The following MAEA variants were observed in gnomAD, a reference collection of about 807,000 sequenced individuals.
MAEA encodes E3 ubiquitin-protein transferase MAEA.
In MAEA, 22 loss-of-function variants were observed where a neutral mutation model predicts 46.2. That is an observed-to-expected ratio of 0.48 (90% CI 0.34 to 0.68). MAEA has a LOEUF of 0.68. Ranked by LOEUF, MAEA falls within the 30% of genes least tolerant of loss-of-function variation. MAEA has a pLI of 0.01. For missense variants in MAEA, 393 were observed against 558.1 expected (o/e 0.70, Z 2.98); for synonymous variants, 246 against 222.6 (o/e 1.11, Z -0.94).
chr4:1,332,903 G>A (rs1712034979), intron 6 of MAEA, 38 bp downstream of exon 6: 1 of 1,517,060 alleles, frequency 6.6e-7, no homozygotes, highest in Non-Finnish European at 9.0e-7. Context: ...TCATGCTGGG[G>A]TGGGGATCCA....
intron 4 of MAEA, among the ~76,000 whole-genome samples, chr4:1,324,164 TG>T (rs1169903921): frequency 2.0e-5 from 3 of 147,648 alleles, no homozygotes; most frequent in African/African-American, 7.6e-5. Flanking sequence ...TGTCTGGTGT[TG>T]GATGAAGTTG....
chr4:1,322,654 G>C (rs546253925), intron 4 of MAEA, 151 bp downstream of exon 4: 373 of 1,000,948 alleles, frequency 3.7e-4, no homozygotes, highest in Non-Finnish European at 2.6e-4. Context: ...TTTGGTGGCT[G>C]TGTTACACTT....
intron 5 of MAEA, chr4:1,331,977 G>C (rs1711884339): frequency 6.5e-6 from 1 of 152,846 alleles, no homozygotes; most frequent in Non-Finnish European, 1.5e-5. Flanking sequence ...GGGCTGAGAG[G>C]GCTGGGCCGG....
chr4:1,302,975 C>G (rs895663654), intron 1 of MAEA, among the ~76,000 whole-genome samples: 4 of 152,002 alleles, frequency 2.6e-5, no homozygotes, highest in Non-Finnish European at 5.9e-5. Context: ...AATTGAAATC[C>G]TCATACGCAG....
At chr4:1,294,619 C>T (rs1016542540) in intron 1 of MAEA, among the ~76,000 whole-genome samples, 46 of 151,954 alleles carry the variant, frequency 3.0e-4, no homozygotes, top group Middle Eastern at 3.4e-3. Flanking sequence ...GAGCCTCCAT[C>T]GGCCAGGTAC....
chr4:1,329,004 G>A (rs1394147470), intron 5 of MAEA: 2 of 986,540 alleles, frequency 2.0e-6, no homozygotes, highest in East Asian at 1.1e-4. Flanking sequence ...GCCTCCGTGT[G>A]GCCTCGGTGC....
At chr4:1,310,735 G>A (rs954476268) in intron 1 of MAEA, among the ~76,000 whole-genome samples, 1 of 152,236 alleles carries the variant, frequency 6.6e-6, no homozygotes, top group African/African-American at 2.4e-5. Context: ...ATGTCTGAGT[G>A]GAGGGCAGCT....
Position 1,340,004 on chromosome 4 carries a change from A to T in MAEA, c.*835A>T, listed in dbSNP as rs1446762920. ...AGAAGTACTGATGACTTTTCAAAAC[A>T]AATGAACCACCGTAGCTGACAGAGA... On this transcript the variant is annotated 3_prime_UTR_variant, in exon 9 of 9. Transcript: ENST00000303400. The T allele has an allele frequency of 6.5e-6, 1 of 152,708 alleles. No homozygotes were observed. Among genetic ancestry groups the T allele is most frequent in the African/African-American group, 2.4e-5 (1 of 41,480 alleles). The allele number at this position is 152,708 out of a possible 1,614,324, so 9.5% of individuals were successfully genotyped here. A position where few individuals can be genotyped will look rare whatever the true frequency, so the allele number is the denominator to read the frequency against.
chr4:1,315,269 T>G (rs1736981945), intron 2 of MAEA, 128 bp from the exon 3 acceptor site: 1 of 882,362 alleles, frequency 1.1e-6, no homozygotes, highest in Non-Finnish European at 1.8e-6. Flanking sequence ...AGAGCACGGT[T>G]TTTTTTCTGT....
In MAEA at chr4:1,309,127, A is replaced by T. The variant is rs1400075801; in HGVS notation, c.70-2852A>T. On this transcript the variant is annotated intron_variant, in intron 1 of 8. Transcript: ENST00000303400. ...CTTGTGTCTTACATTGTCTTTGTCC[A>T]CGGATTTATTGTGTTTGATCACTAA... Among the ~76,000 whole-genome samples, 4 of 152,012 alleles carry T rather than the reference A, an allele frequency of 2.6e-5. No homozygotes were observed. In the East Asian group the frequency reaches 5.8e-4, roughly 22 times the overall value.
intron 4 of MAEA, among the ~76,000 whole-genome samples, chr4:1,325,427 T>C (rs1375119667): frequency 7.4e-6 from 1 of 135,818 alleles, no homozygotes; most frequent in Non-Finnish European, 1.6e-5. Context: ...TGGGTCTGAA[T>C]ACCTAAGTTT....
At chr4:1,301,788 A>C (rs1735344682) in intron 1 of MAEA, among the ~76,000 whole-genome samples, 1 of 152,274 alleles carries the variant, frequency 6.6e-6, no homozygotes, top group Non-Finnish European at 1.5e-5. Flanking sequence ...AAAAAGTGTT[A>C]GGTTGAATCA....
At chr4:1,333,994 A>AC (rs1712302311) in intron 6 of MAEA, among the ~76,000 whole-genome samples, 1 of 32,896 alleles carries the variant, frequency 3.0e-5, no homozygotes, top group Admixed American at 3.2e-4. Flanking sequence ...CCCTGCACCC[A>AC]TCCCATGCCT....
intron 1 of MAEA, chr4:1,309,846 G>T: frequency 7.6e-7 from 1 of 1,319,278 alleles, no homozygotes; most frequent in Non-Finnish European, 9.7e-7. Context: ...GCTCTGCCCT[G>T]TGCCTGAGCA....
intron 1 of MAEA, among the ~76,000 whole-genome samples, chr4:1,309,170 T>C (rs1317125783): frequency 6.6e-6 from 1 of 152,210 alleles, no homozygotes; most frequent in African/African-American, 2.4e-5. Flanking sequence ...TTCTGAGTAG[T>C]TTTTCTGCCA....
At chr4:1,326,973 A>G (rs893869944) in intron 4 of MAEA, among the ~76,000 whole-genome samples, 9 of 151,816 alleles carry the variant, frequency 5.9e-5, no homozygotes, top group African/African-American at 2.2e-4. Context: ...CAGCAACCCC[A>G]CATGTGGTCC....
chr4:1,305,352 C>T (rs1735725704), intron 1 of MAEA, among the ~76,000 whole-genome samples: 1 of 152,192 alleles, frequency 6.6e-6, no homozygotes. Flanking sequence ...GCTGCTGTGC[C>T]CCGCTGCTTC....
intron 1 of MAEA, among the ~76,000 whole-genome samples, chr4:1,292,513 A>G (rs1320418006): frequency 1.3e-5 from 2 of 152,028 alleles, no homozygotes; most frequent in Admixed American, 6.5e-5. Context: ...TATTTCCACC[A>G]AAGGGGTGGA....
In MAEA at chr4:1,322,376, C is replaced by G. The variant is rs771704493; in HGVS notation, c.457-5C>G. The G allele has an allele frequency of 6.2e-7, 1 of 1,613,758 alleles. No individual in the cohort carries two copies. Among genetic ancestry groups the G allele is most frequent in the Non-Finnish European group, 8.5e-7 (1 of 1,179,794 alleles). ...TCTGATCAGGTGCTGCTTCCTTCCT[C>G]TAAGGACCTAGTGAATATTGAGATG... is the stretch of plus-strand genomic sequence containing the variant. On this transcript the variant is annotated splice_region_variant and splice_polypyrimidine_tract_variant and intron_variant, in intron 3 of 8. Coordinates refer to ENST00000303400, the MANE Select transcript of MAEA (RefSeq NM_001017405.3).
Sources: gnomAD v4.1 joint callset for allele counts (sites outside exome capture counted in the v4.1 genomes callset) on GRCh38, gnomAD v4.1.1 for gene constraint, MANE v1.5 for transcripts, NCBI Gene and HGNC (gene_info 2026-07-23, HGNC 2026-07-21) for gene names.